The following GARS1 variants were observed in gnomAD, a reference collection of about 807,000 sequenced individuals.
GARS1 encodes glycine--tRNA ligase.
Under a neutral mutation model 86.4 loss-of-function variants are expected in GARS1, and 46 were observed. The observed-to-expected ratio is 0.53, with a 90% CI of 0.42 to 0.68. The LOEUF (loss-of-function observed/expected upper bound fraction) is 0.68. Ranked by LOEUF, GARS1 falls within the 30% of genes least tolerant of loss-of-function variation. The probability of loss-of-function intolerance (pLI) is 0.00; values close to 1 mark genes in which losing one functional copy is unlikely to be tolerated. For synonymous variants in GARS1, 342 were observed against 329.8 expected (o/e 1.04, Z -0.40); for missense variants, 797 against 915.6 (o/e 0.87, Z 1.67).
At chr7:30,613,430 C>T (rs1045761327) in intron 8 of GARS1, among the ~76,000 whole-genome samples, 16 of 152,052 alleles carry the variant, frequency 1.1e-4, no homozygotes, top group African/African-American at 3.6e-4. Flanking sequence ...TGTTTTTCAC[C>T]GTTTCAATAT....
At chr7:30,609,936 AT>A (rs1014402667) in intron 7 of GARS1, among the ~76,000 whole-genome samples, 5 of 152,120 alleles carry the variant, frequency 3.3e-5, no homozygotes, top group East Asian at 1.9e-4. Context: ...GCATATATGT[AT>A]TTTTTTGGCA....
At chr7:30,603,237 C>T in intron 5 of GARS1, 115 bp downstream of exon 5, 1 of 877,068 alleles carries the variant, frequency 1.1e-6, no homozygotes, top group Non-Finnish European at 1.9e-6. Context: ...GAGCAAAGTG[C>T]ACAGATCTTA....
chr7:30,603,521 TAAG>T lies in GARS1; in HGVS notation c.688_690del (p.Lys230del), dbSNP rs772429001. The T allele has an allele frequency of 6.2e-7, 1 of 1,613,902 alleles. No individual in the cohort carries two copies. Among genetic ancestry groups the T allele is most frequent in the Non-Finnish European group, 8.5e-7 (1 of 1,179,926 alleles). Reference sequence around the variant, plus strand: ...CTCATTTACAGAAATTGATGTCTGATAAGAAGTGTTCTGTCGAAAAGAAATCAG... The same window carrying T: ...CTCATTTACAGAAATTGATGTCTGATAAGTGTTCTGTCGAAAAGAAATCAG... On this transcript the variant is annotated inframe_deletion, in exon 6 of 17. Transcript: ENST00000389266.
At chr7:30,622,927 C>G (rs905963309) in intron 12 of GARS1, among the ~76,000 whole-genome samples, 1 of 151,734 alleles carries the variant, frequency 6.6e-6, no homozygotes, top group Non-Finnish European at 1.5e-5. Flanking sequence ...AGTGAAACCC[C>G]GTCTCTACTA....
chr7:30,616,591 G>A (rs1387784666), intron 9 of GARS1, among the ~76,000 whole-genome samples: 4 of 152,198 alleles, frequency 2.6e-5, no homozygotes, highest in African/African-American at 7.2e-5. Flanking sequence ...AAGGTTGGAC[G>A]ATAGCTTGTC....
Position 30,632,150 on chromosome 7 carries a change from C to G in GARS1, c.1904-97C>G. 1 of 1,152,104 alleles carries G rather than the reference C, an allele frequency of 8.7e-7. No individual in the cohort carries two copies. The highest frequency in any genetic ancestry group is 1.3e-6 in the Non-Finnish European group (1 of 783,336). 71.4% of individuals were successfully genotyped at this position (1,152,104 alleles called of 1,614,324 possible). ...ACTTGTTGCTTTCTTGTCTTGGTCC[C>G]ATTTATAAGTCTCCTGAGCTTGTAA... On this transcript the variant is annotated intron_variant, in intron 15 of 16. Coordinates refer to ENST00000389266, the MANE Select transcript of GARS1 (RefSeq NM_002047.4). This position sits in a 1 kb window ranked among gnomAD's most constrained non-coding sequence, Gnocchi z 4.1.
intron 13 of GARS1, among the ~76,000 whole-genome samples, chr7:30,626,796 C>T (rs912091419): frequency 2.6e-5 from 4 of 152,174 alleles, no homozygotes; most frequent in African/African-American, 9.6e-5. Flanking sequence ...ACCTGGCCAA[C>T]ATGGTGAAAC....
rs1240181303 is a variant in GARS1 at position 30,632,306 on chromosome 7, G to A, written c.1963G>A (p.Gly655Arg). 2.5e-6 allele frequency: 4 copies of A among 1,614,024 alleles called. No individual in the cohort carries two copies. The highest frequency in any genetic ancestry group is 3.4e-6 in the Non-Finnish European group (4 of 1,180,020). ...AGTAGACGATTCCTCTGGGTCAATC[G>A]GAAGGCGCTATGCCAGGACTGATGA... Reference protein sequence around the residue: ...HKVDDSSGSIGRRYARTDEIG... With the variant: ...HKVDDSSGSIRRRYARTDEIG... The change falls in exon 16 of 17, where the codon GGA becomes AGA. Residue 655 changes from glycine (G) to arginine (R), a missense_variant. Transcript: ENST00000389266. The surrounding 1 kb of genome is among the most constrained non-coding windows in gnomAD (Gnocchi z 4.1).
intron 12 of GARS1, among the ~76,000 whole-genome samples, chr7:30,625,578 AAATACAGGT>A (rs1783113382): frequency 6.6e-6 from 1 of 152,206 alleles, no homozygotes; most frequent in South Asian, 2.1e-4. Flanking sequence ...TCCTAAGCTG[AAATACAGGT>A]ATTACATGAA....
intron 14 of GARS1, among the ~76,000 whole-genome samples, chr7:30,629,962 A>T (rs1205202746): frequency 6.6e-6 from 1 of 152,258 alleles, no homozygotes; most frequent in Non-Finnish European, 1.5e-5. Flanking sequence ...TAATATAACT[A>T]GAGCTTTAAT....
chr7:30,611,270 T>G (rs1370123225), intron 7 of GARS1, among the ~76,000 whole-genome samples: 1 of 152,154 alleles, frequency 6.6e-6, no homozygotes, highest in African/African-American at 2.4e-5. Flanking sequence ...CCTGGCTTGG[T>G]GAGGTGATAG....
At chr7:30,602,581 A>G (rs984542446) in intron 4 of GARS1, among the ~76,000 whole-genome samples, 2 of 152,218 alleles carry the variant, frequency 1.3e-5, no homozygotes, top group African/African-American at 4.8e-5. Flanking sequence ...CTTTGTAGAG[A>G]TAATACCAAT....
intron 6 of GARS1, among the ~76,000 whole-genome samples, chr7:30,604,466 C>T (rs1478853474): frequency 2.0e-5 from 3 of 152,104 alleles, no homozygotes; most frequent in Non-Finnish European, 4.4e-5. Flanking sequence ...ATAGAACTCC[C>T]TAATATGTTG....
intron 1 of GARS1, 82 bp from the exon 2 acceptor site, chr7:30,598,714 A>C: frequency 8.3e-7 from 1 of 1,198,458 alleles, no homozygotes; most frequent in Non-Finnish European, 1.2e-6. Context: ...TAGACTTTTT[A>C]AAAGGCACGC....
At position 30,617,039 on chromosome 7, in the gene GARS1, C is replaced by T; in HGVS notation, c.1195-75C>T. The T allele has an allele frequency of 6.8e-6, 10 of 1,471,584 alleles. No homozygotes were observed. In the South Asian group the frequency reaches 1.0e-4, roughly 15 times the overall value. 91.2% of individuals were successfully genotyped at this position (1,471,584 alleles called of 1,614,324 possible). On this transcript the variant is annotated intron_variant, in intron 9 of 16. Coordinates refer to ENST00000389266, the MANE Select transcript of GARS1 (RefSeq NM_002047.4). ...TTTCAGTAGAGTGAGTCAATGGAAA[C>T]CGATATCTTGGCTTTGAAGAGTATT...
chr7:30,622,219 G>T (rs375046137), intron 11 of GARS1, 98 bp from the exon 12 acceptor site: 27 of 1,415,324 alleles, frequency 1.9e-5, no homozygotes, highest in East Asian at 1.8e-4. Flanking sequence ...CTGATAGAGA[G>T]CTGGCATGGT....
upstream of GARS1, chr7:30,594,856 T>A: frequency 7.2e-7 from 1 of 1,379,514 alleles, no homozygotes; most frequent in Non-Finnish European, 9.9e-7. Context: ...TTCATCATGC[T>A]CCGAGCCGGG....
At chr7:30,621,731 G>C (rs956089478) in intron 11 of GARS1, 5 of 586,194 alleles carry the variant, frequency 8.5e-6, no homozygotes, top group Non-Finnish European at 1.5e-5. Flanking sequence ...AGCATATTTA[G>C]AAAAATGCTC....
intron 5 of GARS1, 127 bp downstream of exon 5, chr7:30,603,249 G>A: frequency 2.5e-6 from 2 of 801,066 alleles, no homozygotes; most frequent in South Asian, 3.1e-5. Flanking sequence ...CAGATCTTAA[G>A]TATATAGATC....
Sources: gnomAD v4.1 joint callset for allele counts (sites outside exome capture counted in the v4.1 genomes callset) on GRCh38, gnomAD v4.1.1 for gene constraint, Gnocchi (gnomAD v3.1) non-coding constraint, MANE v1.5 for transcripts, NCBI Gene and HGNC (gene_info 2026-07-23, HGNC 2026-07-21) for gene names.